The following CAMK2D variants were observed in gnomAD, a reference collection of about 807,000 sequenced individuals.
CAMK2D encodes calcium/calmodulin dependent protein kinase II delta, also known as calcium/calmodulin-dependent protein kinase type II subunit delta.
In CAMK2D, 37 loss-of-function variants were observed where a neutral mutation model predicts 84.0. That is an observed-to-expected ratio of 0.44 (90% CI 0.34 to 0.58). CAMK2D has a LOEUF of 0.58. Ranked by LOEUF, CAMK2D falls within the 20% of genes least tolerant of loss-of-function variation. CAMK2D has a pLI of 0.02. For missense variants in CAMK2D, 448 were observed against 652.5 expected (o/e 0.69, Z 3.41); for synonymous variants, 202 against 212.5 (o/e 0.95, Z 0.43).
chr4:113,604,091 T>A (rs1244329193), intron 4 of CAMK2D, among the ~76,000 whole-genome samples: 1 of 152,004 alleles, frequency 6.6e-6, no homozygotes, highest in Non-Finnish European at 1.5e-5. Flanking sequence ...TAGCTAACAT[T>A]CCACAGGAAA....
chr4:113,517,507 G>C, intron 9 of CAMK2D, 56 bp downstream of exon 9: 2 of 770,390 alleles, frequency 2.6e-6, no homozygotes, highest in Non-Finnish European at 4.3e-6. Context: ...CTGGCTCTTG[G>C]TCAACAGGCA....
chr4:113,690,602 C>A (rs554443447), intron 2 of CAMK2D, among the ~76,000 whole-genome samples: 3 of 152,228 alleles, frequency 2.0e-5, no homozygotes, highest in East Asian at 1.9e-4. Context: ...TAAATGATGT[C>A]TATATTATTG....
At chr4:113,517,773 T>C (rs2098303835) in intron 8 of CAMK2D, 116 bp from the exon 9 acceptor site, 2 of 576,760 alleles carry the variant, frequency 3.5e-6, no homozygotes, top group Admixed American at 2.6e-5. Flanking sequence ...AACTGGATTG[T>C]AGGAAAACTT....
intron 4 of CAMK2D, among the ~76,000 whole-genome samples, chr4:113,588,980 G>A (rs2098846513): frequency 6.6e-6 from 1 of 152,164 alleles, no homozygotes; most frequent in African/African-American, 2.4e-5. Flanking sequence ...GCCTCTGTGA[G>A]CCAAGCTCTG....
At chr4:113,625,678 G>A (rs1217860451) in intron 3 of CAMK2D, among the ~76,000 whole-genome samples, 1 of 152,162 alleles carries the variant, frequency 6.6e-6, no homozygotes, top group Non-Finnish European at 1.5e-5. Flanking sequence ...TCGGGGGTGT[G>A]AGTATGAGGG....
At chr4:113,660,087 A>G (rs1034528635) in intron 3 of CAMK2D, among the ~76,000 whole-genome samples, 4 of 152,184 alleles carry the variant, frequency 2.6e-5, no homozygotes, top group Admixed American at 2.0e-4. Flanking sequence ...TAAACTTTTC[A>G]GTGAAAGATT....
chr4:113,562,690 G>A (rs541313428), intron 4 of CAMK2D, among the ~76,000 whole-genome samples: 5 of 152,276 alleles, frequency 3.3e-5, no homozygotes, highest in Admixed American at 1.3e-4. Context: ...TAAGACAAAT[G>A]TGCTTGATTT....
chr4:113,639,765 T>C (rs1404443950), intron 3 of CAMK2D, among the ~76,000 whole-genome samples: 1 of 151,946 alleles, frequency 6.6e-6, no homozygotes, highest in Non-Finnish European at 1.5e-5. Context: ...GGAGTCTGTA[T>C]GGCTGGAGAG....
At chr4:113,672,103 G>A (rs1387147594) in intron 2 of CAMK2D, among the ~76,000 whole-genome samples, 1 of 152,022 alleles carries the variant, frequency 6.6e-6, no homozygotes, top group East Asian at 1.9e-4. Flanking sequence ...AAAAAGACTT[G>A]CATATTAAAA....
At chr4:113,642,824 C>A (rs1369787612) in intron 3 of CAMK2D, among the ~76,000 whole-genome samples, 1 of 151,960 alleles carries the variant, frequency 6.6e-6, no homozygotes, top group East Asian at 1.9e-4. Flanking sequence ...TGATCCAAAG[C>A]CTCCCATTAG....
intron 2 of CAMK2D, among the ~76,000 whole-genome samples, chr4:113,740,938 A>G (rs768026609): frequency 6.6e-6 from 1 of 152,132 alleles, no homozygotes; most frequent in Non-Finnish European, 1.5e-5. Flanking sequence ...CAATTAATAA[A>G]TTTTAAATTG....
intron 4 of CAMK2D, among the ~76,000 whole-genome samples, chr4:113,586,183 A>C (rs950650924): frequency 1.3e-5 from 2 of 152,214 alleles, no homozygotes; most frequent in Admixed American, 6.5e-5. Context: ...AATTGGTTCA[A>C]GGATGAACTA....
chr4:113,506,131 T>TGA (rs2098124702), intron 13 of CAMK2D, among the ~76,000 whole-genome samples: 1 of 152,100 alleles, frequency 6.6e-6, no homozygotes, highest in African/African-American at 2.4e-5. Context: ...ATAAAATAAA[T>TGA]GAGTATCAAA....
At chr4:113,486,204 C>T (rs1005089701) in intron 16 of CAMK2D, among the ~76,000 whole-genome samples, 4 of 151,722 alleles carry the variant, frequency 2.6e-5, no homozygotes, top group African/African-American at 4.8e-5. Context: ...AGTCATAGCT[C>T]GCTGTGGTAT....
intron 2 of CAMK2D, among the ~76,000 whole-genome samples, chr4:113,669,861 A>T (rs1205334210): frequency 2.6e-5 from 4 of 152,228 alleles, no homozygotes; most frequent in South Asian, 2.1e-4. Context: ...GGATCCAAGC[A>T]GTACTCAGTA....
chr4:113,683,501 C>T (rs1167230555), intron 2 of CAMK2D, among the ~76,000 whole-genome samples: 7 of 152,022 alleles, frequency 4.6e-5, no homozygotes, highest in African/African-American at 9.7e-5. Context: ...GCACCAAAAC[C>T]GGAGTTACTT....
intron 16 of CAMK2D, among the ~76,000 whole-genome samples, chr4:113,479,513 G>A (rs4834340): frequency 0.34 from 51,700 of 151,988 alleles, 9,108 homozygotes; most frequent in Middle Eastern, 0.4. Context: ...CTATTATATG[G>A]TACTATGGAG....
intron 2 of CAMK2D, among the ~76,000 whole-genome samples, chr4:113,692,126 T>G (rs2099388787): frequency 6.6e-6 from 1 of 152,168 alleles, no homozygotes; most frequent in Non-Finnish European, 1.5e-5. Flanking sequence ...GCACTCAAGG[T>G]TCTTTCATAA....
chr4:113,458,990 A>G (rs1035769187), intron 18 of CAMK2D, among the ~76,000 whole-genome samples: 1 of 152,220 alleles, frequency 6.6e-6, no homozygotes. Context: ...TGATGACCTG[A>G]AGGATTTCTG....
Sources: allele counts gnomAD v4.1 joint callset (sites outside exome capture counted in the v4.1 genomes callset), GRCh38; gene constraint gnomAD v4.1.1; transcripts MANE v1.5; gene names NCBI Gene and HGNC (gene_info 2026-07-23, HGNC 2026-07-21).